The following ATP13A3 variants were observed in gnomAD, a reference collection of about 807,000 sequenced individuals.
ATP13A3 encodes polyamine-transporting ATPase 13A3.
ATP13A3 carries 59 observed loss-of-function variants against 158.1 expected under a neutral mutation model. The observed-to-expected ratio is 0.37, with a 90% CI of 0.30 to 0.46. ATP13A3 has a LOEUF of 0.46. Among genes scored for constraint, ATP13A3 ranks in the 20% least tolerant of loss-of-function variants. ATP13A3 has a pLI of 1.00. For synonymous variants in ATP13A3, 491 were observed against 504.3 expected (o/e 0.97, Z 0.35); for missense variants, 1,166 against 1,525.2 (o/e 0.76, Z 3.92).
At chr3:194,466,936 A>G (rs1413178246) in intron 2 of ATP13A3, among the ~76,000 whole-genome samples, 3 of 152,230 alleles carry the variant, frequency 2.0e-5, no homozygotes, top group Non-Finnish European at 4.4e-5. Flanking sequence ...AATATTAAGG[A>G]CTCTGCCTCT....
At chr3:194,429,968 T>A in intron 26 of ATP13A3, 104 bp downstream of exon 26, 1 of 1,099,810 alleles carries the variant, frequency 9.1e-7, no homozygotes, top group Non-Finnish European at 1.3e-6. Flanking sequence ...AATGTGCTAA[T>A]CTGCTAATAT....
intron 32 of ATP13A3, chr3:194,412,620 C>A: frequency 3.4e-6 from 1 of 290,800 alleles, no homozygotes. Flanking sequence ...ATATCTAGTA[C>A]TAATTCTATA....
At chr3:194,434,954 A>G (rs1717515089) in intron 20 of ATP13A3, among the ~76,000 whole-genome samples, 1 of 152,106 alleles carries the variant, frequency 6.6e-6, no homozygotes, top group Non-Finnish European at 1.5e-5. Context: ...AACAAACAAA[A>G]AACACCTCAA....
intron 8 of ATP13A3, among the ~76,000 whole-genome samples, chr3:194,454,615 T>G (rs1577072722): frequency 8.1e-6 from 1 of 123,888 alleles, no homozygotes; most frequent in Non-Finnish European, 1.8e-5. Flanking sequence ...GATCATGAGG[T>G]CAGGAGATCA....
intron 33 of ATP13A3, among the ~76,000 whole-genome samples, 173 bp from the exon 34 acceptor site, chr3:194,406,289 G>A (rs1451869473): frequency 2.6e-5 from 4 of 152,140 alleles, no homozygotes; most frequent in Non-Finnish European, 2.9e-5. Flanking sequence ...CTTTGGCCGG[G>A]CGTGGTGGCT....
intron 2 of ATP13A3, among the ~76,000 whole-genome samples, chr3:194,468,889 C>T (rs906090127): frequency 1.3e-5 from 2 of 152,094 alleles, no homozygotes; most frequent in African/African-American, 4.8e-5. Context: ...ATTAAAAATG[C>T]ATTATTCACC....
chr3:194,458,797 A>T (rs924106496), intron 6 of ATP13A3, among the ~76,000 whole-genome samples: 1 of 152,200 alleles, frequency 6.6e-6, no homozygotes, highest in African/African-American at 2.4e-5. Flanking sequence ...GTATCTGAGT[A>T]AAAAATCCAG....
intron 9 of ATP13A3, 95 bp from the exon 10 acceptor site, chr3:194,453,873 T>C (rs991900124): frequency 7.2e-6 from 6 of 830,516 alleles, no homozygotes; most frequent in Non-Finnish European, 1.2e-5. Context: ...ATTCAATAAA[T>C]GCATATCACT....
intron 31 of ATP13A3, among the ~76,000 whole-genome samples, chr3:194,418,325 A>G (rs1156948480): frequency 6.6e-6 from 1 of 151,830 alleles, no homozygotes; most frequent in Non-Finnish European, 1.5e-5. Context: ...ATGTCAGACT[A>G]TAAGTTTGTT....
intron 28 of ATP13A3, among the ~76,000 whole-genome samples, chr3:194,428,231 A>AAAAAAAAAAAAAAAAAAAAAAG (rs557252872): frequency 2.1e-5 from 3 of 141,792 alleles, no homozygotes; most frequent in African/African-American, 8.4e-5. Flanking sequence ...AAAAAAAAAA[A>AAAAAAAAAAAAAAAAAAAAAAG]AAAAAAGAAA....
Position 194,427,123 on chromosome 3 carries a change from A to G in ATP13A3, c.3077T>C (p.Phe1026Ser). 1.2e-6 allele frequency: 2 copies of G among 1,613,890 alleles called. No homozygotes were observed. The highest frequency in any genetic ancestry group is 1.7e-6 in the Non-Finnish European group (2 of 1,179,972). ...ATACCAAGGTTGCTGTTTGACCCAA[A>G]AAAAACCCAAAGATTGAAATCCAAT... ...ICIGFQSLGFFWVKQQPWYEV... is the reference protein window; with the variant it reads ...ICIGFQSLGFSWVKQQPWYEV... The change falls in exon 29 of 34, where the codon TTT becomes TCT. Residue 1026 changes from phenylalanine (F) to serine (S), a missense_variant. Physicochemically the swap from Phe to Ser is radical, Grantham distance 155. Transcript: ENST00000645319.
intron 21 of ATP13A3, among the ~76,000 whole-genome samples, chr3:194,432,195 G>A (rs1004717142): frequency 8.5e-5 from 13 of 152,118 alleles, no homozygotes; most frequent in Non-Finnish European, 1.3e-4. Flanking sequence ...TACCTGGCAC[G>A]GTGCTACACA....
In ATP13A3 at chr3:194,431,223, T is replaced by G. The variant is rs373556794; in HGVS notation, c.2425A>C (p.Ile809Leu). ...CTATCATGGACCAATTTAACCGGAA[T>G]AGCCTGTGTATATGAGACATTGGGA... ...SHPSAIDPEA[I>L]PVKLVHDSLE... is the part of the protein sequence containing the mutation. Residue 809 changes from isoleucine to leucine, a missense_variant, in exon 23 of 34, where the codon ATT (isoleucine) becomes CTT (leucine). Ile to Leu is a conservative substitution (Grantham distance 5). Around this residue, in one of 3 missense-constraint regions of ATP13A3, gnomAD observed 997 missense variants for 1,341.2 expected, o/e 0.74. Transcript: ENST00000645319. 1 of 1,609,814 alleles carries G rather than the reference T, an allele frequency of 6.2e-7. No homozygotes were observed. The highest frequency in any genetic ancestry group is 8.5e-7 in the Non-Finnish European group (1 of 1,176,728).
At position 194,460,841 on chromosome 3, in the gene ATP13A3, C is replaced by T. The variant is rs2108971976; in HGVS notation, c.52-10G>A. On this transcript the variant is annotated splice_polypyrimidine_tract_variant and intron_variant, in intron 3 of 33. Coordinates refer to ENST00000645319, the MANE Select transcript of ATP13A3 (RefSeq NM_001367549.1). ...TGTAACCATAAATCTCCTGCATGGA[C>T]ACAGCGATCACATGATTAATTATCA... 1 of 1,604,302 alleles carries T rather than the reference C, an allele frequency of 6.2e-7. No homozygotes were observed. The highest frequency in any genetic ancestry group is 8.5e-7 in the Non-Finnish European group (1 of 1,175,242).
At chr3:194,493,108 T>C (rs948733296) in intron 2 of ATP13A3, among the ~76,000 whole-genome samples, 2 of 149,584 alleles carry the variant, frequency 1.3e-5, no homozygotes, top group Non-Finnish European at 3.0e-5. Context: ...CACTCCAGCC[T>C]GGGCAACATA....
intron 14 of ATP13A3, among the ~76,000 whole-genome samples, chr3:194,445,808 A>C (rs930598559): frequency 6.6e-6 from 1 of 152,242 alleles, no homozygotes; most frequent in African/African-American, 2.4e-5. Flanking sequence ...GTCAAAGTTT[A>C]ATTCTCAGAA....
chr3:194,405,210 C>T lies in ATP13A3; in HGVS notation c.*709G>A, dbSNP rs1393406239. On this transcript the variant is annotated 3_prime_UTR_variant, in exon 34 of 34. Transcript: ENST00000645319. ...CCAACACCACACATAGCACAGGAGC[C>T]ATTTAAGAGCTTTGAGAGGCGTCTC... is the stretch of plus-strand genomic sequence containing the variant. 2 of 152,116 alleles carry T rather than the reference C, an allele frequency of 1.3e-5. No individual in the cohort carries two copies. The highest frequency in any genetic ancestry group is 2.9e-5 in the Non-Finnish European group (2 of 68,034). The allele number at this position is 152,116 out of a possible 1,614,324, so 9.4% of individuals were successfully genotyped here. A position where few individuals can be genotyped will look rare whatever the true frequency, so the allele number is the denominator to read the frequency against.
intron 2 of ATP13A3, among the ~76,000 whole-genome samples, chr3:194,485,006 G>A (rs1230723441): frequency 6.6e-6 from 1 of 150,584 alleles, no homozygotes; most frequent in Admixed American, 6.6e-5. Context: ...ACAGTGAGCC[G>A]AGTTCACACC....
Position 194,425,411 on chromosome 3 carries a change from A to C in ATP13A3, c.3244T>G (p.Phe1082Val). 6.2e-7 allele frequency: 1 copy of C among 1,613,718 alleles called. No homozygotes were observed. Among genetic ancestry groups the C allele is most frequent in the Admixed American group, 1.7e-5 (1 of 59,990 alleles). The change falls in exon 30 of 34, where the codon TTT becomes GTT. Residue 1082 changes from phenylalanine (F) to valine (V), a missense_variant. Coordinates refer to ENST00000645319, the MANE Select transcript of ATP13A3 (RefSeq NM_001367549.1). Reference protein sequence around the residue: ...ENTTVFFISSFQYLIVAIAFS... With the variant: ...ENTTVFFISSVQYLIVAIAFS... ...GCAATTGCCACTATGAGGTACTGAA[A>C]ACTGGAAATAAAAAACACTGTGGTA...
Sources: allele counts gnomAD v4.1 joint callset (sites outside exome capture counted in the v4.1 genomes callset), GRCh38; gene constraint gnomAD v4.1.1; regional missense constraint gnomAD v4.1.1; transcripts MANE v1.5; gene names NCBI Gene and HGNC (gene_info 2026-07-23, HGNC 2026-07-21).